Variants in SLC35G1 observed in about 807,000 individuals in gnomAD.
SLC35G1 encodes the protein solute carrier family 35 member G1.
In SLC35G1, 10 loss-of-function variants were observed where a neutral mutation model predicts 17.1. The ratio of observed to expected loss-of-function variants is 0.59; its 90% CI spans 0.36 to 0.99. The LOEUF is 0.99. Ranked by LOEUF, SLC35G1 falls within the 50% of genes least tolerant of loss-of-function variation. The pLI, the probability that SLC35G1 is intolerant of heterozygous loss-of-function variation, is 0.01. For synonymous variants in SLC35G1, 185 were observed against 181.1 expected, an observed-to-expected ratio of 1.02 and a Z score of -0.18; for missense variants, 433 against 468.4, an observed-to-expected ratio of 0.92 and a Z score of 0.70.
In SLC35G1 at chr10:93,901,537, A is replaced by G; in HGVS notation, c.*47A>G. On this transcript the variant is annotated 3_prime_UTR_variant, in exon 3 of 3. Coordinates refer to ENST00000427197, the MANE Select transcript of SLC35G1 (RefSeq NM_001134658.3). Reference sequence around the variant, plus strand: ...ATTTTTTTCAAGTACACCATCACCTAATTCACATACAGCATACGCACACAT... The same window carrying G: ...ATTTTTTTCAAGTACACCATCACCTGATTCACATACAGCATACGCACACAT... 1 of 1,535,102 alleles carries G rather than the reference A, an allele frequency of 6.5e-7. No homozygotes were observed. Among genetic ancestry groups the G allele is most frequent in the Non-Finnish European group, 8.7e-7 (1 of 1,143,994 alleles).
exon 3 of SLC35G1, chr10:93,909,709 T>C (rs1184422447): frequency 6.6e-6 from 1 of 152,210 alleles, no homozygotes; most frequent in African/African-American, 2.4e-5. Flanking sequence ...AATAACTATG[T>C]GATTATAATC....
Position 93,894,201 on chromosome 10 carries a change from C to T in SLC35G1, c.168C>T (p.Arg56=), listed in dbSNP as rs1403531782. The T allele has an allele frequency of 7.1e-7, 1 of 1,404,770 alleles. No individual in the cohort carries two copies. The allele number at this position is 1,404,770 out of a possible 1,614,324, so 87.0% of individuals were successfully genotyped here. Reference sequence around the variant, plus strand: ...GCCTTTCCTCGCCGTGTTGCTCCCGCACCGAGCCGGGTGAGTGCGCGGTGT... The same window carrying T: ...GCCTTTCCTCGCCGTGTTGCTCCCGTACCGAGCCGGGTGAGTGCGCGGTGT... ...WLCLSSPCCS[R]TEPEAKKKAP... Residue 56 remains arginine (R), a synonymous_variant, in exon 1 of 3, where the codon CGC becomes CGT. Coordinates refer to ENST00000427197, the MANE Select transcript of SLC35G1 (RefSeq NM_001134658.3).
downstream of SLC35G1, chr10:93,908,439 T>C (rs919481936): frequency 2.6e-5 from 4 of 152,182 alleles, no homozygotes; most frequent in Admixed American, 6.5e-5. Flanking sequence ...GCCTCCATAA[T>C]TGAGGGTGGT....
In SLC35G1 at chr10:93,902,798, A is replaced by G. The variant is rs979161121; in HGVS notation, c.*1308A>G. 20 of 152,674 alleles carry G rather than the reference A, an allele frequency of 1.3e-4. No individual in the cohort carries two copies. Among genetic ancestry groups the G allele is most frequent in the African/African-American group, 4.6e-4 (19 of 41,468 alleles). The allele number at this position is 152,674 out of a possible 1,614,324, so 9.5% of individuals were successfully genotyped here. A position where few individuals can be genotyped will look rare whatever the true frequency, so the allele number is the denominator to read the frequency against. On this transcript the variant is annotated 3_prime_UTR_variant, in exon 3 of 3. Transcript: ENST00000427197. The stretch of plus-strand genomic sequence containing the variant: ...GATGCAGCACCATGACACTAACGCC[A>G]TGAATTCAAACAGCACGTTTTACAC...
exon 3 of SLC35G1, chr10:93,909,133 C>T (rs2060444111): frequency 6.6e-6 from 1 of 152,232 alleles, no homozygotes; most frequent in African/African-American, 2.4e-5. Context: ...CTGTATCCTT[C>T]AGGTGTCTGT....
In SLC35G1 at chr10:93,901,426, C is replaced by T. The variant is rs755429144; in HGVS notation, c.1034C>T (p.Ala345Val). 1.9e-6 allele frequency: 3 copies of T among 1,613,596 alleles called. No homozygotes were observed. Among genetic ancestry groups the T allele is most frequent in the Admixed American group, 3.3e-5 (2 of 59,914 alleles). ...CCAACGTGGTGGACAGTGGGTGGTG[C>T]TCTCTGCGTAGTAGCCAGTAATGTT... Reference protein sequence around the residue: ...NVPTWWTVGGALCVVASNVGA... With the variant: ...NVPTWWTVGGVLCVVASNVGA... The change falls in exon 3 of 3, where the codon GCT becomes GTT. Residue 345 changes from alanine to valine, a missense_variant. Coordinates refer to ENST00000427197, the MANE Select transcript of SLC35G1 (RefSeq NM_001134658.3).
Position 93,901,598 on chromosome 10 carries a change from A to C in SLC35G1, c.*108A>C, listed in dbSNP as rs920545629. On this transcript the variant is annotated 3_prime_UTR_variant, in exon 3 of 3. Coordinates refer to ENST00000427197, the MANE Select transcript of SLC35G1 (RefSeq NM_001134658.3). Reference sequence around the variant, plus strand: ...TGCATTTTCTTCATTGGTTGTATTTAATAAATTGCCTAAAGTACCATTTTT... The same window carrying C: ...TGCATTTTCTTCATTGGTTGTATTTCATAAATTGCCTAAAGTACCATTTTT... 4 of 1,283,160 alleles carry C rather than the reference A, an allele frequency of 3.1e-6. No individual in the cohort carries two copies. Among genetic ancestry groups the C allele is most frequent in the African/African-American group, 3.0e-5 (2 of 66,154 alleles). The allele number at this position is 1,283,160 out of a possible 1,614,324, so 79.5% of individuals were successfully genotyped here.
rs181139467 is a variant in SLC35G1 at position 93,894,874 on chromosome 10, C to T, written c.178+663C>T. The stretch of plus-strand genomic sequence containing the variant: ...TTCGACACATGAGCAAAGTGAGGCC[C>T]AGGAAGGTGAGGGCTTTTGGGTTTT... On this transcript the variant is annotated intron_variant, in intron 1 of 2. Transcript: ENST00000427197. Among the ~76,000 whole-genome samples the T allele has an allele frequency of 4.5e-4, 68 of 152,208 alleles. 1 individual carries two copies. Among genetic ancestry groups the T allele is most frequent in the Non-Finnish European group, 7.9e-4 (54 of 68,020 alleles).
At chr10:93,906,891 G>A (rs1204674890), downstream of SLC35G1, among the ~76,000 whole-genome samples, 2 of 152,034 alleles carry the variant, frequency 1.3e-5, no homozygotes, top group African/African-American at 4.8e-5. Flanking sequence ...TCTTTCATAA[G>A]TATACAGTGG....
chr10:93,906,448 T>C (rs1034064979), downstream of SLC35G1: 3 of 152,228 alleles, frequency 2.0e-5, no homozygotes, highest in African/African-American at 7.2e-5. Context: ...GCTGATGCTG[T>C]GTGGAGCAGA....
intron 2 of SLC35G1, among the ~76,000 whole-genome samples, chr10:93,900,198 T>G (rs912070236): frequency 8.5e-5 from 13 of 152,342 alleles, no homozygotes; most frequent in African/African-American, 3.1e-4. Flanking sequence ...TGTCTCATAT[T>G]CAATGACTAA....
chr10:93,901,566 G>A lies in SLC35G1; in HGVS notation c.*76G>A. The A allele has an allele frequency of 7.0e-7, 1 of 1,434,942 alleles. No individual in the cohort carries two copies. Among genetic ancestry groups the A allele is most frequent in the Non-Finnish European group, 9.2e-7 (1 of 1,086,760 alleles). 88.9% of individuals were successfully genotyped at this position (1,434,942 alleles called of 1,614,324 possible). ...CACATACAGCATACGCACACATCTG[G>A]AAAATCTGCATTTTCTTCATTGGTT... On this transcript the variant is annotated 3_prime_UTR_variant, in exon 3 of 3. Transcript: ENST00000427197.
downstream of SLC35G1, among the ~76,000 whole-genome samples, chr10:93,904,470 AG>A (rs1333941059): frequency 1.3e-5 from 2 of 152,180 alleles, no homozygotes; most frequent in African/African-American, 4.8e-5. Flanking sequence ...TACTCAGATC[AG>A]TCTTACCACT....
chr10:93,897,117 G>A (rs2060337900), intron 1 of SLC35G1, among the ~76,000 whole-genome samples: 1 of 152,122 alleles, frequency 6.6e-6, no homozygotes. Context: ...AACAGAATGA[G>A]GATTCTGGCA....
In SLC35G1 at chr10:93,894,077, C is replaced by T. The variant is rs2060303555; in HGVS notation, c.44C>T (p.Pro15Leu). The T allele has an allele frequency of 4.7e-6, 7 of 1,483,990 alleles. No individual in the cohort carries two copies. The highest frequency in any genetic ancestry group is 4.4e-5 in the African/African-American group (3 of 68,186). 91.9% of individuals were successfully genotyped at this position (1,483,990 alleles called of 1,614,324 possible). Residue 15 changes from proline to leucine, a missense_variant, in exon 1 of 3, where the codon CCC becomes CTC. Pro to Leu is a moderately conservative substitution (Grantham distance 98). Transcript: ENST00000427197. The stretch of plus-strand genomic sequence containing the variant: ...ACCGGGGTCGCGGAGCTCCAGGAGC[C>T]CGGGCTGCCGCTAACGGACGATGCA... ...DSTGVAELQEPGLPLTDDAPP... is the reference protein window; with the variant it reads ...DSTGVAELQELGLPLTDDAPP...
At chr10:93,894,346 C>A in intron 1 of SLC35G1, 135 bp downstream of exon 1, 1 of 884,956 alleles carries the variant, frequency 1.1e-6, no homozygotes, top group Non-Finnish European at 1.5e-6. Context: ...CTCGGGAAAC[C>A]CCTCGAGCTG....
rs765677362 is a variant in SLC35G1 at position 93,898,670 on chromosome 10, A to G, written c.278A>G (p.Gln93Arg). The change falls in exon 2 of 3, where the codon CAA becomes CGA. Residue 93 changes from glutamine to arginine, a missense_variant. Gln to Arg is a conservative substitution (Grantham distance 43). Coordinates refer to ENST00000427197, the MANE Select transcript of SLC35G1 (RefSeq NM_001134658.3). ...GGCTCTTTATTTGTTAAAAAAGTGC[A>G]AGACGTCCATGCTGTAGAGATTAGT... The part of the protein sequence containing the change: ...SVGSLFVKKV[Q>R]DVHAVEISAF... 19 of 1,613,866 alleles carry G rather than the reference A, an allele frequency of 1.2e-5. No homozygotes were observed. In the South Asian group the frequency reaches 2.0e-4, roughly 17 times the overall value.
Position 93,903,227 on chromosome 10 carries a change from C to T in SLC35G1, c.*1737C>T, listed in dbSNP as rs1169105644. Reference sequence around the variant, plus strand: ...ATGTAGGTGAGTCATCTCTGTTCCACCTGATTTACAGTATTGGAATTTAGA... The same window carrying T: ...ATGTAGGTGAGTCATCTCTGTTCCATCTGATTTACAGTATTGGAATTTAGA... On this transcript the variant is annotated 3_prime_UTR_variant, in exon 3 of 3. Coordinates refer to ENST00000427197, the MANE Select transcript of SLC35G1 (RefSeq NM_001134658.3). 6 of 152,128 alleles carry T rather than the reference C, an allele frequency of 3.9e-5. No individual in the cohort carries two copies. Among genetic ancestry groups the T allele is most frequent in the Non-Finnish European group, 8.8e-5 (6 of 68,030 alleles). 9.4% of individuals were successfully genotyped at this position (152,128 alleles called of 1,614,324 possible). A position where few individuals can be genotyped will look rare whatever the true frequency, so the allele number is the denominator to read the frequency against.
Position 93,901,017 on chromosome 10 carries a change from T to C in SLC35G1, c.625T>C (p.Ser209Pro), listed in dbSNP as rs145449600. The change falls in exon 3 of 3, where the codon TCC becomes CCC. Residue 209 changes from serine (S) to proline (P), a missense_variant. Physicochemically the swap from Ser to Pro is moderately conservative, Grantham distance 74. Transcript: ENST00000427197. ...CGTGAGACCACCATTTTTGTTTGGT[T>C]CCGACACTTCGGGGATGGAAGAAAG... ...LIVRPPFLFG[S>P]DTSGMEESYS... is the part of the protein sequence containing the mutation. The C allele has an allele frequency of 5.9e-4, 960 of 1,613,968 alleles. No individual in the cohort carries two copies. The highest frequency in any genetic ancestry group is 7.4e-4 in the Non-Finnish European group (870 of 1,179,984).
Sources: gnomAD v4.1 joint callset for allele counts (sites outside exome capture counted in the v4.1 genomes callset) on GRCh38, gnomAD v4.1.1 for gene constraint, MANE v1.5 for transcripts, NCBI Gene and HGNC (gene_info 2026-07-23, HGNC 2026-07-21) for gene names.